MAGI2: variants seen among roughly 807,000 people sequenced by gnomAD.
The protein encoded by MAGI2 is membrane associated guanylate kinase, WW and PDZ domain containing 2.
MAGI2 carries 35 observed loss-of-function variants against 133.3 expected under a neutral mutation model. That is an observed-to-expected ratio of 0.26 (90% CI 0.20 to 0.35). MAGI2 has a LOEUF of 0.35. MAGI2 is among the 10% of genes least tolerant of loss of function. The pLI is 1.00. For synonymous variants in MAGI2, 729 were observed against 710.6 expected (o/e 1.03, Z -0.41); for missense variants, 1,636 against 1,863.4 (o/e 0.88, Z 2.25).
At chr7:79,215,628 C>T (rs903185079) in intron 1 of MAGI2, among the ~76,000 whole-genome samples, 8 of 151,932 alleles carry the variant, frequency 5.3e-5, no homozygotes, top group African/African-American at 1.2e-4. Flanking sequence ...TATGACCTGG[C>T]AATACTTCCA....
chr7:78,402,228 G>A (rs1029481746), intron 6 of MAGI2, among the ~76,000 whole-genome samples: 26 of 151,786 alleles, frequency 1.7e-4, no homozygotes, highest in African/African-American at 6.1e-4. Context: ...CACCTGAGGT[G>A]TGTATGTGTG....
chr7:79,074,449 A>G (rs1815279754), intron 1 of MAGI2, among the ~76,000 whole-genome samples: 1 of 152,162 alleles, frequency 6.6e-6, no homozygotes, highest in Non-Finnish European at 1.5e-5. Flanking sequence ...TGTTGACCTT[A>G]TGCAATTGAC....
intron 1 of MAGI2, among the ~76,000 whole-genome samples, chr7:79,045,689 G>A (rs1165494695): frequency 6.6e-6 from 1 of 152,150 alleles, no homozygotes; most frequent in East Asian, 1.9e-4. Flanking sequence ...CTATGCCGGA[G>A]GCTGAGGCAG....
chr7:79,275,186 G>T (rs1835146545), intron 1 of MAGI2, among the ~76,000 whole-genome samples: 1 of 152,126 alleles, frequency 6.6e-6, no homozygotes, highest in African/African-American at 2.4e-5. Context: ...TAGATCAAAA[G>T]CTAGCCCTCT....
chr7:78,306,918 T>C (rs1798283926), intron 9 of MAGI2, among the ~76,000 whole-genome samples: 1 of 152,164 alleles, frequency 6.6e-6, no homozygotes, highest in African/African-American at 2.4e-5. Context: ...CTATTTAAAA[T>C]AGTCAAGTGA....
At chr7:78,397,394 CA>C (rs1796450731) in intron 6 of MAGI2, among the ~76,000 whole-genome samples, 5 of 151,876 alleles carry the variant, frequency 3.3e-5, no homozygotes, top group South Asian at 2.1e-4. Context: ...CACACACACA[CA>C]CACCCCTTGT....
chr7:78,800,777 T>G (rs42330), intron 2 of MAGI2, among the ~76,000 whole-genome samples: 146,133 of 152,146 alleles, frequency 0.96, 70,217 homozygotes, highest in East Asian at 1. Flanking sequence ...AATTCACACT[T>G]AGTCATCCAT....
intron 4 of MAGI2, among the ~76,000 whole-genome samples, chr7:78,508,672 C>T (rs1005745856): frequency 6.6e-6 from 1 of 152,066 alleles, no homozygotes; most frequent in Non-Finnish European, 1.5e-5. Flanking sequence ...AGCATGCTCT[C>T]GCACACATCA....
chr7:79,129,308 C>T (rs923136575), intron 1 of MAGI2, among the ~76,000 whole-genome samples: 2 of 152,180 alleles, frequency 1.3e-5, no homozygotes, highest in Non-Finnish European at 2.9e-5. Flanking sequence ...ACACTTTCTA[C>T]TGAGTGTGTA....
intron 9 of MAGI2, among the ~76,000 whole-genome samples, chr7:78,324,410 A>G (rs1177815532): frequency 6.6e-6 from 1 of 152,204 alleles, no homozygotes; most frequent in Non-Finnish European, 1.5e-5. Context: ...AGAACAGCAC[A>G]GTAGTCAAGA....
At chr7:78,943,262 C>T (rs966701260) in intron 2 of MAGI2, among the ~76,000 whole-genome samples, 11 of 151,892 alleles carry the variant, frequency 7.2e-5, no homozygotes, top group African/African-American at 1.9e-4. Context: ...GTTATTGACC[C>T]GATTTTTTAA....
intron 1 of MAGI2, among the ~76,000 whole-genome samples, chr7:79,420,069 A>T (rs1846839050): frequency 6.6e-6 from 1 of 152,064 alleles, no homozygotes; most frequent in Non-Finnish European, 1.5e-5. Flanking sequence ...TTCTTTGCTG[A>T]GGACCATCTA....
chr7:78,191,543 GT>G (rs1828214063), intron 12 of MAGI2, among the ~76,000 whole-genome samples: 2 of 152,212 alleles, frequency 1.3e-5, no homozygotes, highest in Admixed American at 6.5e-5. Context: ...GCCTTGCAGA[GT>G]TCTAGACACA....
Position 78,521,813 on chromosome 7 carries a change from T to C in MAGI2, c.539-168A>G, listed in dbSNP as rs151162452. ...TTCTATCTATGTGTCTCTCTATATA[T>C]ATACATATTTATTTGTTCCTTCTGT... On this transcript the variant is annotated intron_variant, in intron 3 of 21. Transcript: ENST00000354212. Among the ~76,000 whole-genome samples, 7 of 152,276 alleles carry C rather than the reference T, an allele frequency of 4.6e-5. No individual in the cohort carries two copies. The East Asian group carries it at 1.4e-3, about 29-fold the overall frequency.
At chr7:78,297,092 C>T (rs568527930) in intron 9 of MAGI2, among the ~76,000 whole-genome samples, 1 of 152,276 alleles carries the variant, frequency 6.6e-6, no homozygotes, top group South Asian at 2.1e-4. Flanking sequence ...ATTTATGTAG[C>T]TATGTAAGGT....
intron 13 of MAGI2, among the ~76,000 whole-genome samples, chr7:78,180,042 A>G (rs546871571): frequency 2.6e-5 from 4 of 152,340 alleles, no homozygotes; most frequent in African/African-American, 4.8e-5. Flanking sequence ...ATCACTGTTC[A>G]AACTTCTACA....
intron 1 of MAGI2, among the ~76,000 whole-genome samples, chr7:79,215,196 G>T: frequency 6.6e-6 from 1 of 151,834 alleles, no homozygotes; most frequent in East Asian, 1.9e-4. Context: ...GAAGTTTAAA[G>T]ACTGACAAAC....
chr7:79,199,770 T>TCCTTGGCAGTGC (rs1200800239), intron 1 of MAGI2, among the ~76,000 whole-genome samples: 1 of 151,982 alleles, frequency 6.6e-6, no homozygotes, highest in Non-Finnish European at 1.5e-5. Context: ...GAAGTAGATG[T>TCCTTGGCAGTGC]CCTTGGCAGT....
Position 79,321,279 on chromosome 7 carries a change from G to C in MAGI2, c.301+131741C>G, listed in dbSNP as rs1172222388. 3.9e-5 allele frequency among the ~76,000 whole-genome samples: 6 copies of C among 152,004 alleles called. No individual in the cohort carries two copies. The East Asian group carries it at 1.2e-3, about 29-fold the overall frequency. On this transcript the variant is annotated intron_variant, in intron 1 of 21. Coordinates refer to ENST00000354212, the MANE Select transcript of MAGI2 (RefSeq NM_012301.4). ...CCTACTTTCAATGTTTGACCACTAG[G>C]GCCTTGGTTTTTCAAAGAAAATTAC...
Sources: gnomAD v4.1 joint callset for allele counts (sites outside exome capture counted in the v4.1 genomes callset) on GRCh38, gnomAD v4.1.1 for gene constraint, MANE v1.5 for transcripts, NCBI Gene and HGNC (gene_info 2026-07-23, HGNC 2026-07-21) for gene names.